Variants in CPNE4 observed in about 807,000 individuals in gnomAD.
CPNE4 encodes copine 4, also known as copine-4.
In CPNE4, 25 loss-of-function variants were observed where a neutral mutation model predicts 67.9. The observed-to-expected ratio is 0.37, with a 90% confidence interval of 0.27 to 0.51. The LOEUF is 0.51. CPNE4 is among the 20% of genes least tolerant of loss of function. The pLI is 0.93. For synonymous variants in CPNE4, 242 were observed against 244.9 expected, an observed-to-expected ratio of 0.99 and a Z score of 0.11; for missense variants, 464 against 690.8, an observed-to-expected ratio of 0.67 and a Z score of 3.68.
At chr3:131,975,009 A>T (rs556718081) in intron 1 of CPNE4, among the ~76,000 whole-genome samples, 1 of 152,312 alleles carries the variant, frequency 6.6e-6, no homozygotes, top group South Asian at 2.1e-4. Flanking sequence ...CCCTGTCTCA[A>T]AAATCAAATA....
At chr3:131,663,963 G>A (rs571318391) in intron 7 of CPNE4, among the ~76,000 whole-genome samples, 49 of 152,226 alleles carry the variant, frequency 3.2e-4, no homozygotes, top group African/African-American at 1.1e-3. Context: ...GCATGGGGGC[G>A]AATTGATCCA....
At chr3:131,584,392 C>A (rs1316245579) in intron 8 of CPNE4, among the ~76,000 whole-genome samples, 1 of 152,160 alleles carries the variant, frequency 6.6e-6, no homozygotes, top group Non-Finnish European at 1.5e-5. Context: ...CAGGAAATGG[C>A]ACAATTTAAT....
intron 2 of CPNE4, among the ~76,000 whole-genome samples, chr3:131,829,386 A>G (rs2085286460): frequency 6.6e-6 from 1 of 152,254 alleles, no homozygotes; most frequent in South Asian, 2.1e-4. Flanking sequence ...TATACATTTG[A>G]AACCCATCTC....
intron 2 of CPNE4, among the ~76,000 whole-genome samples, chr3:131,837,876 T>G (rs1344822087): frequency 1.3e-5 from 2 of 152,034 alleles, no homozygotes; most frequent in African/African-American, 4.8e-5. Flanking sequence ...TTCTGTAATA[T>G]ATTTTTAAGA....
intron 1 of CPNE4, among the ~76,000 whole-genome samples, chr3:131,961,371 T>C (rs1457449129): frequency 6.6e-6 from 1 of 152,080 alleles, no homozygotes; most frequent in Non-Finnish European, 1.5e-5. Flanking sequence ...TTATCACTGG[T>C]TAAAGAGCAG....
intron 2 of CPNE4, among the ~76,000 whole-genome samples, chr3:131,798,880 G>A (rs995095100): frequency 6.6e-6 from 1 of 152,004 alleles, no homozygotes; most frequent in African/African-American, 2.4e-5. Context: ...TGATTACTTG[G>A]AAGCTTTTAT....
chr3:131,802,144 T>C (rs183747301), intron 2 of CPNE4, among the ~76,000 whole-genome samples: 10 of 152,198 alleles, frequency 6.6e-5, no homozygotes, highest in Admixed American at 6.5e-4. Context: ...AGTGCAAGAC[T>C]TCCTTTCCAA....
At chr3:131,986,172 GT>G (rs2073036579) in intron 1 of CPNE4, among the ~76,000 whole-genome samples, 1 of 145,338 alleles carries the variant, frequency 6.9e-6, no homozygotes, top group African/African-American at 2.4e-5. Context: ...CTCCTTAGCA[GT>G]ATTTACCTAT....
Position 131,851,713 on chromosome 3 carries a change from G to A in CPNE4, c.180+53551C>T, listed in dbSNP as rs1445654559. On this transcript the variant is annotated intron_variant, in intron 2 of 15. Transcript: ENST00000429747. ...AGGAAGGCAGAGCAATCCAGTGGAG[G>A]AAATAGCTATCTTGGCTTGAAGAGA... 2.6e-5 allele frequency among the ~76,000 whole-genome samples: 4 copies of A among 152,092 alleles called. No homozygotes were observed. In the East Asian group the frequency reaches 7.7e-4, roughly 29 times the overall value.
At chr3:131,997,692 T>C (rs552396752) in intron 1 of CPNE4, among the ~76,000 whole-genome samples, 1 of 152,192 alleles carries the variant, frequency 6.6e-6, no homozygotes, top group Admixed American at 6.5e-5. Flanking sequence ...TGGAGAACAT[T>C]TTTATAGGTA....
intron 2 of CPNE4, among the ~76,000 whole-genome samples, chr3:131,870,732 A>C (rs6767374): frequency 0.61 from 92,666 of 151,912 alleles, 28,583 homozygotes; most frequent in Admixed American, 0.72. Context: ...TGTTCTGAGA[A>C]AGGATGCTAA....
intron 2 of CPNE4, among the ~76,000 whole-genome samples, chr3:131,776,206 T>G (rs1303498014): frequency 6.6e-6 from 1 of 152,174 alleles, no homozygotes; most frequent in East Asian, 1.9e-4. Context: ...TCTTACTCAG[T>G]TGGTGGTGGT....
intron 1 of CPNE4, among the ~76,000 whole-genome samples, chr3:132,024,966 A>AGTGTGT (rs1391043616): frequency 1.3e-5 from 2 of 152,196 alleles, no homozygotes; most frequent in African/African-American, 2.4e-5. Flanking sequence ...TGTCCAAACT[A>AGTGTGT]GTAGCATCAG....
At chr3:131,605,136 A>C (rs1415986632) in intron 7 of CPNE4, among the ~76,000 whole-genome samples, 1 of 152,130 alleles carries the variant, frequency 6.6e-6, no homozygotes, top group Non-Finnish European at 1.5e-5. Context: ...GTTAGAATTT[A>C]AATCTTATTC....
chr3:131,686,316 G>A (rs2080887893), intron 5 of CPNE4, among the ~76,000 whole-genome samples: 1 of 152,176 alleles, frequency 6.6e-6, no homozygotes, highest in South Asian at 2.1e-4. Context: ...CACTGTATCT[G>A]TTGTCTTAAA....
intron 7 of CPNE4, among the ~76,000 whole-genome samples, chr3:131,607,543 A>G (rs769133378): frequency 6.6e-5 from 10 of 152,174 alleles, no homozygotes; most frequent in Non-Finnish European, 1.3e-4. Context: ...ATAACATTCA[A>G]CGTATTTTCA....
At chr3:131,654,601 G>A (rs2079903000) in intron 7 of CPNE4, among the ~76,000 whole-genome samples, 1 of 152,132 alleles carries the variant, frequency 6.6e-6, no homozygotes, top group African/African-American at 2.4e-5. Context: ...CTTGTGCACT[G>A]GGGCCAGCTT....
chr3:131,978,201 TTA>T lies in CPNE4; in HGVS notation c.-2+56364_-2+56365del, dbSNP rs1158439965. On this transcript the variant is annotated intron_variant, in intron 1 of 15. Coordinates refer to ENST00000429747, the MANE Select transcript of CPNE4 (RefSeq NM_130808.3). ...AATATATATAATATATTTATAATTA[TTA>T]TATATAATATATATAATAAATTTAC... Among the ~76,000 whole-genome samples, 63 of 53,406 alleles carry T rather than the reference TTA, an allele frequency of 1.2e-3. 5 individuals carry two copies. The highest frequency in any genetic ancestry group is 1.5e-3 in the Non-Finnish European group (53 of 35,498). 35.0% of individuals were successfully genotyped at this position (53,406 alleles called of 152,430 possible).
At chr3:131,624,891 T>C (rs2079032068) in intron 7 of CPNE4, among the ~76,000 whole-genome samples, 1 of 152,218 alleles carries the variant, frequency 6.6e-6, no homozygotes, top group Non-Finnish European at 1.5e-5. Flanking sequence ...ATTGTTGCCT[T>C]GACCCCAGAA....
Sources: allele counts gnomAD v4.1 joint callset (sites outside exome capture counted in the v4.1 genomes callset), GRCh38; gene constraint gnomAD v4.1.1; transcripts MANE v1.5; gene names NCBI Gene and HGNC (gene_info 2026-07-23, HGNC 2026-07-21).